Variants in GRIK4 observed in about 807,000 individuals in gnomAD.
The protein encoded by GRIK4 is glutamate receptor ionotropic, kainate 4.
A neutral mutation model predicts 104.9 loss-of-function variants in GRIK4; 40 were observed. That is an observed-to-expected ratio of 0.38 (90% CI 0.30 to 0.50). The LOEUF is 0.50. Ranked by LOEUF, GRIK4 falls within the 20% of genes least tolerant of loss-of-function variation. The probability of loss-of-function intolerance (pLI) is 0.93; values close to 1 mark genes in which losing one functional copy is unlikely to be tolerated. For missense variants in GRIK4, 1,047 were observed against 1,308.1 expected (o/e 0.80, Z 3.08); for synonymous variants, 485 against 524.9 (o/e 0.92, Z 1.04).
At chr11:120,759,045 A>G (rs555263537) in intron 3 of GRIK4, among the ~76,000 whole-genome samples, 42 of 152,304 alleles carry the variant, frequency 2.8e-4, no homozygotes, top group African/African-American at 9.4e-4. Context: ...GGTACTGTGG[A>G]CAGGGATGGT....
At chr11:120,530,702 G>T (rs1947914212) in intron 1 of GRIK4, among the ~76,000 whole-genome samples, 1 of 152,190 alleles carries the variant, frequency 6.6e-6, no homozygotes, top group African/African-American at 2.4e-5. Context: ...TGAGAATGGG[G>T]TTCAGAGGCC....
intron 8 of GRIK4, among the ~76,000 whole-genome samples, chr11:120,844,035 G>A (rs1048551743): frequency 6.6e-5 from 10 of 152,096 alleles, no homozygotes; most frequent in African/African-American, 2.2e-4. Flanking sequence ...CCCTGGGTTC[G>A]TTTTATTGTC....
intron 1 of GRIK4, among the ~76,000 whole-genome samples, chr11:120,623,436 T>C (rs1006772155): frequency 1.3e-5 from 2 of 152,028 alleles, no homozygotes; most frequent in Admixed American, 6.5e-5. Flanking sequence ...CCCGGCCCCC[T>C]GTACTCTTTA....
intron 1 of GRIK4, among the ~76,000 whole-genome samples, chr11:120,577,728 T>G (rs1394265790): frequency 1.3e-5 from 2 of 152,146 alleles, no homozygotes; most frequent in African/African-American, 4.8e-5. Flanking sequence ...CCTCCCCAAT[T>G]ATACCACTGG....
At position 120,862,300 on chromosome 11, in the gene GRIK4, A is replaced by G. The variant is rs1451457110; in HGVS notation, c.906+180A>G. On this transcript the variant is annotated intron_variant, in intron 9 of 20. Coordinates refer to ENST00000527524, the MANE Select transcript of GRIK4 (RefSeq NM_014619.5). ...TGCAGGGTATGAGGTTTGGGAAGCAATGAGCTGTAGACAGCAGGGAGGGGG... is the reference window on the plus strand; with the variant it reads ...TGCAGGGTATGAGGTTTGGGAAGCAGTGAGCTGTAGACAGCAGGGAGGGGG... 1.5e-5 allele frequency: 9 copies of G among 591,442 alleles called. No homozygotes were observed. The Admixed American group carries it at 2.1e-4, about 14-fold the overall frequency. 36.6% of individuals were successfully genotyped at this position (591,442 alleles called of 1,614,324 possible).
chr11:120,646,452 G>A (rs1384660660), intron 1 of GRIK4, among the ~76,000 whole-genome samples: 1 of 152,190 alleles, frequency 6.6e-6, no homozygotes, highest in African/African-American at 2.4e-5. Flanking sequence ...CTCCTTCTGG[G>A]AGTTTTGTGA....
At chr11:120,688,019 T>A (rs956644323) in intron 3 of GRIK4, among the ~76,000 whole-genome samples, 1 of 152,180 alleles carries the variant, frequency 6.6e-6, no homozygotes, top group Admixed American at 6.5e-5. Flanking sequence ...TAATTTTCTC[T>A]CTCTAGTCCC....
At position 120,675,722 on chromosome 11, in the gene GRIK4, A is replaced by C. The variant is rs893511331; in HGVS notation, c.82+15322A>C. Among the ~76,000 whole-genome samples, 4 of 152,144 alleles carry C rather than the reference A, an allele frequency of 2.6e-5. No individual in the cohort carries two copies. The East Asian group carries it at 7.7e-4, about 29-fold the overall frequency. On this transcript the variant is annotated intron_variant, in intron 3 of 20. Transcript: ENST00000527524. ...GCAAATTATTTGGTCTCTGTTTCCTACTATGAAATGGGGATAATAATACTC... is the reference window on the plus strand; with the variant it reads ...GCAAATTATTTGGTCTCTGTTTCCTCCTATGAAATGGGGATAATAATACTC...
chr11:120,904,044 C>T (rs2134503327), intron 12 of GRIK4, among the ~76,000 whole-genome samples: 1 of 152,226 alleles, frequency 6.6e-6, no homozygotes. Flanking sequence ...TGTGATTGCC[C>T]TTCATTTCCC....
intron 1 of GRIK4, among the ~76,000 whole-genome samples, chr11:120,544,857 C>T (rs1948070028): frequency 6.6e-6 from 1 of 152,112 alleles, no homozygotes; most frequent in Non-Finnish European, 1.5e-5. Context: ...CATATTTGTC[C>T]TTTTCCACTA....
intron 3 of GRIK4, among the ~76,000 whole-genome samples, chr11:120,673,431 C>A (rs888285839): frequency 2.0e-5 from 3 of 152,186 alleles, no homozygotes; most frequent in African/African-American, 7.2e-5. Context: ...GGCTCCCTGT[C>A]CCCATATTGT....
chr11:120,863,170 A>C (rs1222179441), intron 9 of GRIK4, among the ~76,000 whole-genome samples: 5 of 152,234 alleles, frequency 3.3e-5, no homozygotes, highest in Admixed American at 2.6e-4. Flanking sequence ...GTACAGTGAT[A>C]CATGCGTAAT....
rs544930493 is a variant in GRIK4, at chr11:120,697,483, C to T, written c.82+37083C>T. Among the ~76,000 whole-genome samples, 4 of 152,318 alleles carry T rather than the reference C, an allele frequency of 2.6e-5. No individual in the cohort carries two copies. The South Asian group carries it at 6.2e-4, about 24-fold the overall frequency. On this transcript the variant is annotated intron_variant, in intron 3 of 20. Coordinates refer to ENST00000527524, the MANE Select transcript of GRIK4 (RefSeq NM_014619.5). ...TACAAAAATTAGCTGGGTACGGTGG[C>T]ATGCGCCTGTAATCCTAGCTACTGG... is the stretch of plus-strand genomic sequence containing the variant.
intron 8 of GRIK4, among the ~76,000 whole-genome samples, chr11:120,843,162 T>C (rs932689742): frequency 2.6e-5 from 4 of 152,252 alleles, no homozygotes; most frequent in Admixed American, 2.6e-4. Context: ...TGTGGTCTGC[T>C]GACCACTGAG....
intron 3 of GRIK4, among the ~76,000 whole-genome samples, chr11:120,710,876 A>C (rs1950720176): frequency 6.6e-6 from 1 of 152,196 alleles, no homozygotes; most frequent in Non-Finnish European, 1.5e-5. Flanking sequence ...CCCAGAAAGT[A>C]AGGAAGTGGG....
chr11:120,917,213 C>T (rs1226006796), intron 13 of GRIK4, among the ~76,000 whole-genome samples: 2 of 127,806 alleles, frequency 1.6e-5, no homozygotes, highest in Non-Finnish European at 3.1e-5. Context: ...TGCCATTGCA[C>T]TCCAGCCTGG....
intron 15 of GRIK4, among the ~76,000 whole-genome samples, chr11:120,955,877 C>T (rs965289790): frequency 6.6e-6 from 1 of 151,756 alleles, no homozygotes; most frequent in Non-Finnish European, 1.5e-5. Flanking sequence ...GCTTTAGACA[C>T]CATCGAGGCC....
chr11:120,614,808 G>GCTA (rs1262893611), intron 1 of GRIK4, among the ~76,000 whole-genome samples: 1 of 152,128 alleles, frequency 6.6e-6, no homozygotes, highest in Non-Finnish European at 1.5e-5. Flanking sequence ...GACCATCCTG[G>GCTA]CTAACATGGT....
At chr11:120,825,554 C>A (rs566368784) in intron 6 of GRIK4, among the ~76,000 whole-genome samples, 1 of 152,336 alleles carries the variant, frequency 6.6e-6, no homozygotes, top group Non-Finnish European at 1.5e-5. Flanking sequence ...GTCCTCCTAC[C>A]AGCCTGTGAT....
Sources: gnomAD v4.1 joint callset for allele counts (sites outside exome capture counted in the v4.1 genomes callset) on GRCh38, gnomAD v4.1.1 for gene constraint, MANE v1.5 for transcripts, NCBI Gene and HGNC (gene_info 2026-07-23, HGNC 2026-07-21) for gene names.